Variants in COL10A1 observed in about 807,000 individuals in gnomAD.
COL10A1 encodes the protein collagen alpha-1(X) chain.
COL10A1 carries 10 observed loss-of-function variants against 18.2 expected under a neutral mutation model. That is an observed-to-expected ratio of 0.55 (90% CI 0.34 to 0.93). The LOEUF is 0.93. Among genes scored for constraint, COL10A1 ranks in the 40% least tolerant of loss-of-function variants. The pLI, the probability that COL10A1 is intolerant of heterozygous loss-of-function variation, is 0.02. For missense variants in COL10A1, 897 were observed against 853.5 expected, an observed-to-expected ratio of 1.05 and a Z score of -0.64; for synonymous variants, 330 against 316.6, an observed-to-expected ratio of 1.04 and a Z score of -0.45.
At chr6:116,126,298 C>G (rs180874401), upstream of COL10A1, among the ~76,000 whole-genome samples, 158 of 152,110 alleles carry the variant, frequency 1.0e-3, 1 homozygote, top group African/African-American at 3.3e-3. Flanking sequence ...TCCTTGTTTT[C>G]TTATTTAAAA....
rs374560255 is a variant in COL10A1 at position 116,125,482 on chromosome 6, T to C, written c.11A>G (p.Gln4Arg). MLPQIPFLLLVSLN... is the reference protein window; with the variant it reads MLPRIPFLLLVSLN... ...GGATACTAGCAGCAAAAAGGGTATT[T>C]GTGGCAGCATATTCTCAGATGGATT... Residue 4 changes from glutamine (Q) to arginine (R), a missense_variant, in exon 2 of 3, where the codon CAA becomes CGA. Transcript: ENST00000651968. 7.4e-6 allele frequency: 12 copies of C among 1,613,646 alleles called. No homozygotes were observed. The African/African-American group carries it at 1.6e-4, about 22-fold the overall frequency.
chr6:116,126,046 C>T lies in COL10A1; in HGVS notation c.-16+7G>A, dbSNP rs768097903. 2.6e-4 allele frequency: 40 copies of T among 155,748 alleles called. 1 individual carries two copies. The highest frequency in any genetic ancestry group is 2.1e-3 in the Admixed American group (33 of 15,596). 9.6% of individuals were successfully genotyped at this position (155,748 alleles called of 1,614,324 possible). ...ACATGGAAGTCCACCAGTAAGCGTA[C>T]GCTTACCTGCGTGCTGGGAGTTCCT... On this transcript the variant is annotated splice_region_variant and intron_variant, in intron 1 of 2. Coordinates refer to ENST00000651968, the MANE Select transcript of COL10A1 (RefSeq NM_000493.4).
chr6:116,172,967 T>C, the COL10A1 span, among the ~76,000 whole-genome samples: 2 of 152,242 alleles, frequency 1.3e-5, no homozygotes, highest in African/African-American at 4.8e-5. Flanking sequence ...ATTATATTTA[T>C]ATCTTGAGAT....
At chr6:116,188,719 T>TTA in the COL10A1 span, among the ~76,000 whole-genome samples, 42 of 151,548 alleles carry the variant, frequency 2.8e-4, no homozygotes, top group Non-Finnish European at 5.6e-4. Context: ...TTTTTTTTTT[T>TTA]ACCTGATTAG....
chr6:116,126,472 G>A (rs1779315497), upstream of COL10A1, among the ~76,000 whole-genome samples: 1 of 152,024 alleles, frequency 6.6e-6, no homozygotes, highest in African/African-American at 2.4e-5. Flanking sequence ...TTAATTGGTT[G>A]ATATTATATA....
the COL10A1 span, among the ~76,000 whole-genome samples, chr6:116,208,979 T>C: frequency 6.6e-6 from 1 of 152,036 alleles, no homozygotes; most frequent in Non-Finnish European, 1.5e-5. Context: ...TTATGTTGTC[T>C]TTCATTAGTT....
rs2114279026 is a variant in COL10A1, at chr6:116,120,376, C to T, written c.1740G>A (p.Gln580=). 3 of 1,614,218 alleles carry T rather than the reference C, an allele frequency of 1.9e-6. No individual in the cohort carries two copies. Among genetic ancestry groups the T allele is most frequent in the Middle Eastern group, 1.6e-4 (1 of 6,062 alleles). Residue 580 remains glutamine, a synonymous_variant, in exon 3 of 3, where the codon CAG becomes CAA. Transcript: ENST00000651968. Reference sequence around the variant, plus strand: ...AGATTCCAGTCCTTGGGTCATAATGCTGTTGCCTGTTATACAAAATTTTAT... The same window carrying T: ...AGATTCCAGTCCTTGGGTCATAATGTTGTTGCCTGTTATACAAAATTTTAT... The part of the protein sequence containing the change: ...PFDKILYNRQ[Q]HYDPRTGIFT...
chr6:116,171,230 CACTTA>C, the COL10A1 span, among the ~76,000 whole-genome samples: 1,315 of 152,190 alleles, frequency 8.6e-3, 20 homozygotes, highest in African/African-American at 0.029. Flanking sequence ...ATGTTTTAAT[CACTTA>C]ACTTATTTTT....
intron 1 of COL10A1, chr6:116,137,250 A>C (rs1582827000): frequency 6.4e-6 from 1 of 156,746 alleles, no homozygotes; most frequent in East Asian, 1.8e-4. Context: ...ACCAGATTTC[A>C]ACATATCGTC....
chr6:116,190,562 A>ATTT, the COL10A1 span, among the ~76,000 whole-genome samples: 1 of 152,026 alleles, frequency 6.6e-6, no homozygotes, highest in Non-Finnish European at 1.5e-5. Context: ...CACAGCTAAA[A>ATTT]TTAAATTGAG....
chr6:116,196,259 G>A, the COL10A1 span, among the ~76,000 whole-genome samples: 1 of 151,952 alleles, frequency 6.6e-6, no homozygotes, highest in Non-Finnish European at 1.5e-5. Flanking sequence ...TGATAGATTA[G>A]TTATATTTTC....
chr6:116,155,776 G>A (rs115653952), intron 1 of COL10A1, among the ~76,000 whole-genome samples: 4,359 of 151,202 alleles, frequency 0.029, 238 homozygotes, highest in African/African-American at 0.099. Flanking sequence ...AAAAAAAGAG[G>A]GAGGAAGTTG....
At chr6:116,179,439 G>T in the COL10A1 span, among the ~76,000 whole-genome samples, 2 of 151,692 alleles carry the variant, frequency 1.3e-5, no homozygotes, top group African/African-American at 4.8e-5. Flanking sequence ...AAACAAATCA[G>T]CAGAAAAAAA....
At chr6:116,172,980 C>G in the COL10A1 span, among the ~76,000 whole-genome samples, 1 of 152,080 alleles carries the variant, frequency 6.6e-6, no homozygotes, top group Non-Finnish European at 1.5e-5. Context: ...CTTGAGATAT[C>G]TTAATTTTTT....
the COL10A1 span, among the ~76,000 whole-genome samples, chr6:116,211,207 G>GCCAGC: frequency 2.0e-5 from 3 of 152,036 alleles, no homozygotes; most frequent in Admixed American, 6.6e-5. Flanking sequence ...CACCGTTCCA[G>GCCAGC]CCAGCCCAGC....
At chr6:116,136,827 C>T (rs944801338) in intron 1 of COL10A1, among the ~76,000 whole-genome samples, 5 of 152,084 alleles carry the variant, frequency 3.3e-5, no homozygotes, top group South Asian at 2.1e-4. Flanking sequence ...GATTCAGATA[C>T]GAAACAGAAT....
At chr6:116,144,709 A>T (rs1779852429) in intron 1 of COL10A1, among the ~76,000 whole-genome samples, 1 of 152,204 alleles carries the variant, frequency 6.6e-6, no homozygotes, top group Non-Finnish European at 1.5e-5. Flanking sequence ...GTTAGACTTC[A>T]CACCAGTAAC....
the COL10A1 span, among the ~76,000 whole-genome samples, chr6:116,176,584 C>T: frequency 6.6e-6 from 1 of 152,144 alleles, no homozygotes; most frequent in Non-Finnish European, 1.5e-5. Context: ...AACACAGTAC[C>T]ATCTACTTGG....
chr6:116,136,828 G>A (rs1318669895), intron 1 of COL10A1, among the ~76,000 whole-genome samples: 2 of 152,126 alleles, frequency 1.3e-5, no homozygotes, highest in South Asian at 2.1e-4. Flanking sequence ...ATTCAGATAC[G>A]AAACAGAATA....
Sources: allele counts gnomAD v4.1 joint callset (sites outside exome capture counted in the v4.1 genomes callset), GRCh38; gene constraint gnomAD v4.1.1; transcripts MANE v1.5; gene names NCBI Gene and HGNC (gene_info 2026-07-23, HGNC 2026-07-21).